GPHN: variants seen among roughly 807,000 people sequenced by gnomAD.
GPHN encodes the protein gephyrin.
Under a neutral mutation model 95.5 loss-of-function variants are expected in GPHN, and 17 were observed. The ratio of observed to expected loss-of-function variants is 0.18; its 90% CI spans 0.12 to 0.27. The LOEUF (loss-of-function observed/expected upper bound fraction) is 0.27. GPHN is among the 10% of genes least tolerant of loss of function. The pLI, the probability that GPHN is intolerant of heterozygous loss-of-function variation, is 1.00. For missense variants in GPHN, 660 were observed against 978.1 expected (o/e 0.67, Z 4.34); for synonymous variants, 320 against 322.5 (o/e 0.99, Z 0.08).
At chr14:67,496,216 C>CTATT in the GPHN span, among the ~76,000 whole-genome samples, 2 of 151,720 alleles carry the variant, frequency 1.3e-5, no homozygotes, top group African/African-American at 2.4e-5. Context: ...AATTTTGTAT[C>CTATT]TATTTATTTA....
chr14:67,153,005 T>G (rs1193049739), intron 18 of GPHN, among the ~76,000 whole-genome samples: 2 of 150,394 alleles, frequency 1.3e-5, no homozygotes, highest in East Asian at 4.0e-4. Flanking sequence ...GGCTGCTATT[T>G]AAAAAATACC....
At chr14:66,766,105 C>T (rs1049356818) in intron 2 of GPHN, among the ~76,000 whole-genome samples, 29 of 152,138 alleles carry the variant, frequency 1.9e-4, no homozygotes, top group African/African-American at 7.0e-4. Context: ...AACTTTTTCC[C>T]TGAGAGCATT....
chr14:67,342,705 T>C, the GPHN span, among the ~76,000 whole-genome samples: 1 of 150,750 alleles, frequency 6.6e-6, no homozygotes, highest in Non-Finnish European at 1.5e-5. Flanking sequence ...AATATATTTC[T>C]AACAATATAG....
At chr14:67,198,295 C>G in the GPHN span, 3 of 1,613,630 alleles carry the variant, frequency 1.9e-6, no homozygotes, top group Admixed American at 5.0e-5. Context: ...GTATCTCCTC[C>G]CATGTTAGAG....
rs1297273978 is a variant in GPHN, at chr14:67,148,557, G to GTTTT, written c.1836+5108_1836+5109insTTTT. Among the ~76,000 whole-genome samples the GTTTT allele has an allele frequency of 1.3e-3, 166 of 124,742 alleles. 1 individual carries two copies. Among genetic ancestry groups the GTTTT allele is most frequent in the Middle Eastern group, 4.0e-3 (1 of 252 alleles). The allele number at this position is 124,742 out of a possible 152,430, so 81.8% of individuals were successfully genotyped here. ...TCATAATAATTTTAAGACTTTATTT[G>GTTTT]CTTTTTTTTTTTTTTTTTTTTGAGA... On this transcript the variant is annotated intron_variant, in intron 18 of 22. Transcript: ENST00000478722.
At chr14:67,691,242 C>G in the GPHN span, 30 of 1,611,778 alleles carry the variant, frequency 1.9e-5, no homozygotes, top group East Asian at 6.7e-4. Context: ...AGGTGCTTTT[C>G]CTCTGCAGGG....
At chr14:67,567,894 G>A in the GPHN span, among the ~76,000 whole-genome samples, 1 of 152,200 alleles carries the variant, frequency 6.6e-6, no homozygotes, top group Non-Finnish European at 1.5e-5. Flanking sequence ...GCTCAGTGGA[G>A]CAAACAGATC....
the GPHN span, chr14:67,648,102 G>C: frequency 1.9e-6 from 3 of 1,613,872 alleles, no homozygotes; most frequent in South Asian, 3.3e-5. Context: ...CCCTACACTG[G>C]CTCCAGCCAC....
rs2075147268 is a variant in GPHN, at chr14:67,048,580, C to G, written c.1007-10069C>G. Among the ~76,000 whole-genome samples, 3 of 152,338 alleles carry G rather than the reference C, an allele frequency of 2.0e-5. No homozygotes were observed. The South Asian group carries it at 6.2e-4, about 32-fold the overall frequency. ...GTCTGTCACTCTTAGCTCCTTAGCT[C>G]AGTTCAGACAGCTATAGTGGGGAAG... is the stretch of plus-strand genomic sequence containing the variant. On this transcript the variant is annotated intron_variant, in intron 10 of 22. Transcript: ENST00000478722.
At chr14:67,327,000 C>T in the GPHN span, among the ~76,000 whole-genome samples, 1 of 151,948 alleles carries the variant, frequency 6.6e-6, no homozygotes, top group African/African-American at 2.4e-5. Context: ...CATAGTGAAA[C>T]CCCGTCTCTA....
chr14:67,166,977 A>G (rs2082316273), intron 20 of GPHN, among the ~76,000 whole-genome samples: 1 of 152,062 alleles, frequency 6.6e-6, no homozygotes, highest in Non-Finnish European at 1.5e-5. Context: ...CTTTACAAGG[A>G]TTTTCAATTT....
chr14:66,849,543 A>C (rs1388200576), intron 4 of GPHN, among the ~76,000 whole-genome samples: 1 of 151,986 alleles, frequency 6.6e-6, no homozygotes, highest in Non-Finnish European at 1.5e-5. Context: ...TAATCTTACC[A>C]ATCTGGTAGG....
chr14:67,340,538 AAT>A, the GPHN span: 1 of 1,587,026 alleles, frequency 6.3e-7, no homozygotes, highest in Non-Finnish European at 8.6e-7. Flanking sequence ...AAAAAAAAAT[AAT>A]ATGTGTGAGA....
chr14:67,191,731 G>C, the GPHN span, among the ~76,000 whole-genome samples: 1 of 152,194 alleles, frequency 6.6e-6, no homozygotes, highest in African/African-American at 2.4e-5. Flanking sequence ...GGAACGTCTA[G>C]AGAGCAGCTG....
intron 4 of GPHN, among the ~76,000 whole-genome samples, chr14:66,859,622 A>T (rs1214974012): frequency 6.6e-6 from 1 of 152,196 alleles, no homozygotes; most frequent in African/African-American, 2.4e-5. Flanking sequence ...TCACACTACA[A>T]ACTAAATAAG....
chr14:67,573,463 G>A, the GPHN span: 1 of 991,668 alleles, frequency 1.0e-6, no homozygotes, highest in South Asian at 1.4e-5. The surrounding 1 kb of genome is among the most constrained non-coding windows in gnomAD (Gnocchi z 4.8). Flanking sequence ...TGGGACGGAG[G>A]AGGGGGAATG....
the GPHN span, among the ~76,000 whole-genome samples, chr14:67,641,980 A>C: frequency 1.3e-5 from 2 of 152,298 alleles, no homozygotes; most frequent in East Asian, 3.9e-4. Flanking sequence ...GTCAATCGAT[A>C]TCTCTTAGTT....
intron 8 of GPHN, among the ~76,000 whole-genome samples, chr14:66,942,256 C>T (rs145637247): frequency 7.5e-4 from 115 of 152,364 alleles, no homozygotes; most frequent in East Asian, 6.6e-3. Flanking sequence ...AGGTGATCCA[C>T]ACACCTCAGC....
intron 1 of GPHN, among the ~76,000 whole-genome samples, chr14:66,645,200 G>A (rs767843950): frequency 2.1e-4 from 32 of 151,978 alleles, no homozygotes; most frequent in African/African-American, 6.5e-4. Flanking sequence ...AGCATTACCT[G>A]GATAACATGG....
Sources: allele counts gnomAD v4.1 joint callset (sites outside exome capture counted in the v4.1 genomes callset), GRCh38; gene constraint gnomAD v4.1.1; non-coding constraint Gnocchi (gnomAD v3.1); transcripts MANE v1.5; gene names NCBI Gene and HGNC (gene_info 2026-07-23, HGNC 2026-07-21).